The following TLE6 variants were observed in gnomAD, a reference collection of about 807,000 sequenced individuals.
The protein encoded by TLE6 is TLE family member 6, subcortical maternal complex member.
In TLE6, 72 loss-of-function variants were observed where a neutral mutation model predicts 77.1. That is an observed-to-expected ratio of 0.93 (90% CI 0.77 to 1.14). The LOEUF (loss-of-function observed/expected upper bound fraction) is 1.14, where lower values mean the gene tolerates loss of function less well. TLE6 is among the 50% of genes most tolerant of loss of function. The probability of loss-of-function intolerance (pLI) is 0.00; values close to 1 mark genes in which losing one functional copy is unlikely to be tolerated. For synonymous variants in TLE6, 366 were observed against 287.3 expected, an observed-to-expected ratio of 1.27 and a Z score of -2.77; for missense variants, 843 against 747.6, an observed-to-expected ratio of 1.13 and a Z score of -1.49.
At chr19:2,988,764 G>T (rs902917041) in intron 11 of TLE6, among the ~76,000 whole-genome samples, 2 of 152,176 alleles carry the variant, frequency 1.3e-5, no homozygotes, top group African/African-American at 4.8e-5. Flanking sequence ...GTGGGGCAAA[G>T]AAGGCTTTTC....
chr19:2,993,697 A>T (rs958734985), intron 15 of TLE6, 115 bp downstream of exon 15: 6 of 1,326,040 alleles, frequency 4.5e-6, no homozygotes, highest in African/African-American at 1.5e-5. Flanking sequence ...ACCCTTCTGT[A>T]GCAGAAACCA....
At chr19:2,986,442 G>A (rs774426424) in intron 5 of TLE6, among the ~76,000 whole-genome samples, 1 of 151,358 alleles carries the variant, frequency 6.6e-6, no homozygotes, top group Non-Finnish European at 1.5e-5. Context: ...GGCTGGGGGT[G>A]GTGGCTTATG....
At chr19:2,986,037 G>GCA (rs2088901460) in intron 5 of TLE6, among the ~76,000 whole-genome samples, 1 of 114,982 alleles carries the variant, frequency 8.7e-6, no homozygotes, top group Non-Finnish European at 1.6e-5. Flanking sequence ...TCACATCACT[G>GCA]CACTCCTGCC....
In TLE6 at chr19:2,987,919, C is replaced by T. The variant is rs563813436; in HGVS notation, c.647C>T (p.Ser216Phe). Residue 216 changes from serine (S) to phenylalanine (F), a missense_variant, in exon 10 of 17, where the codon TCC (serine) becomes TTC (phenylalanine). Physicochemically the swap from Ser to Phe is radical, Grantham distance 155. Coordinates refer to ENST00000246112, the MANE Select transcript of TLE6 (RefSeq NM_001143986.2). ...CTAGCCCCCAGGCCACCTGAGGCCT[C>T]CTCCAGTCCCCCTGAGGGTTCCCAA... is the stretch of plus-strand genomic sequence containing the variant. Reference protein sequence around the residue: ...DASTPRPPEASSSPPEGSQDR... With the variant: ...DASTPRPPEAFSSPPEGSQDR... The T allele has an allele frequency of 3.1e-6, 5 of 1,610,194 alleles. No individual in the cohort carries two copies. Among genetic ancestry groups the T allele is most frequent in the East Asian group, 4.5e-5 (2 of 44,804 alleles).
At chr19:2,989,861 C>A in intron 13 of TLE6, 76 bp downstream of exon 13, 1 of 1,565,216 alleles carries the variant, frequency 6.4e-7, no homozygotes, top group Non-Finnish European at 8.7e-7. Flanking sequence ...TTACTGCTAC[C>A]ACCTCTGCCC....
At chr19:2,981,903 C>A (rs765420019) in intron 4 of TLE6, among the ~76,000 whole-genome samples, 1 of 151,606 alleles carries the variant, frequency 6.6e-6, no homozygotes, top group African/African-American at 2.4e-5. Context: ...GCCCAGGAGG[C>A]AGAGGTTGCG....
At chr19:2,983,420 T>G (rs2088839752) in intron 5 of TLE6, among the ~76,000 whole-genome samples, 1 of 151,438 alleles carries the variant, frequency 6.6e-6, no homozygotes. Context: ...CAATTCAGGG[T>G]GGTCAGGGAA....
Position 2,992,040 on chromosome 19 carries a change from A to T in TLE6, c.1386+56A>T. 4 of 1,596,320 alleles carry T rather than the reference A, an allele frequency of 2.5e-6. No individual in the cohort carries two copies. In the Admixed American group the frequency reaches 5.1e-5, roughly 20 times the overall value. ...CAGGCATCCTCTGGTCCTCAGATTA[A>T]AAAATGAGGTTGAGGCCGGGCTCCG... On this transcript the variant is annotated intron_variant, in intron 14 of 16. Transcript: ENST00000246112.
Position 2,995,052 on chromosome 19 carries a change from C to T in TLE6, c.*48C>T, listed in dbSNP as rs532579208. 3 of 1,113,570 alleles carry T rather than the reference C, an allele frequency of 2.7e-6. No homozygotes were observed. Among genetic ancestry groups the T allele is most frequent in the South Asian group, 1.4e-5 (1 of 73,332 alleles). 69.0% of individuals were successfully genotyped at this position (1,113,570 alleles called of 1,614,324 possible). On this transcript the variant is annotated 3_prime_UTR_variant, in exon 17 of 17. Transcript: ENST00000246112. Reference sequence around the variant, plus strand: ...ACTCCGGCTCCTCTTTTCATCCCCCCCCTTCCCCCCCCCCAACAAGGGGGA... The same window carrying T: ...ACTCCGGCTCCTCTTTTCATCCCCCTCCTTCCCCCCCCCCAACAAGGGGGA...
chr19:2,990,683 A>C (rs996751840), intron 13 of TLE6, among the ~76,000 whole-genome samples: 4 of 135,994 alleles, frequency 2.9e-5, no homozygotes, highest in Non-Finnish European at 4.8e-5. Flanking sequence ...ATATATACAT[A>C]AATATATACA....
chr19:2,987,587 C>G (rs1368299984), intron 8 of TLE6, 137 bp from the exon 9 acceptor site: 3 of 1,145,204 alleles, frequency 2.6e-6, no homozygotes, highest in Non-Finnish European at 3.9e-6. Flanking sequence ...CCCTGACTCT[C>G]TCTCTGCAAC....
chr19:2,989,828 T>C (rs1352931325), intron 13 of TLE6, 43 bp downstream of exon 13: 27 of 1,603,452 alleles, frequency 1.7e-5, no homozygotes, highest in Non-Finnish European at 2.3e-5. Context: ...TGTGCCAGCC[T>C]CCTGTGGCCA....
At chr19:2,984,803 T>G (rs2088874110) in intron 5 of TLE6, among the ~76,000 whole-genome samples, 1 of 152,038 alleles carries the variant, frequency 6.6e-6, no homozygotes, top group African/African-American at 2.4e-5. Context: ...TACTAGACAT[T>G]CCATATGCAT....
rs375278479 is a variant in TLE6 at position 2,987,922 on chromosome 19, C to T, written c.650C>T (p.Ser217Phe). The T allele has an allele frequency of 2.7e-5, 44 of 1,610,016 alleles. No homozygotes were observed. The highest frequency in any genetic ancestry group is 3.1e-5 in the Non-Finnish European group (37 of 1,177,440). ...GCCCCCAGGCCACCTGAGGCCTCCT[C>T]CAGTCCCCCTGAGGGTTCCCAAGAC... ...ASTPRPPEAS[S>F]SPPEGSQDRN... The change falls in exon 10 of 17, where the codon TCC becomes TTC. Residue 217 changes from serine to phenylalanine, a missense_variant. Ser to Phe is a radical substitution (Grantham distance 155). Transcript: ENST00000246112.
rs1202011955 is a variant in TLE6 at position 2,991,381 on chromosome 19, T to TAC, written c.1245-461_1245-460insCA. ...TTCAAAAAAAAAAAAAATACGTATA[T>TAC]ATATATATATATATACACACACACA... is the stretch of plus-strand genomic sequence containing the variant. On this transcript the variant is annotated intron_variant, in intron 13 of 16. Transcript: ENST00000246112. Among the ~76,000 whole-genome samples, 136 of 98,026 alleles carry TAC rather than the reference T, an allele frequency of 1.4e-3. 2 individuals carry two copies. The highest frequency in any genetic ancestry group is 7.0e-3 in the African/African-American group (121 of 17,400). 64.3% of individuals were successfully genotyped at this position (98,026 alleles called of 152,430 possible).
chr19:2,981,433 CTT>C, intron 3 of TLE6, 103 bp from the exon 4 acceptor site: 1 of 1,302,640 alleles, frequency 7.7e-7, no homozygotes, highest in South Asian at 1.3e-5. Flanking sequence ...GAGCCAGTGC[CTT>C]CCAGCTTCAT....
At chr19:2,989,406 G>C in intron 12 of TLE6, 93 bp downstream of exon 12, 1 of 1,581,874 alleles carries the variant, frequency 6.3e-7, no homozygotes, top group Non-Finnish European at 8.6e-7. Context: ...TGGAGAGAGG[G>C]CTTCCAGGGA....
At chr19:2,981,846 C>G (rs943931675) in intron 4 of TLE6, among the ~76,000 whole-genome samples, 13 of 151,530 alleles carry the variant, frequency 8.6e-5, no homozygotes, top group African/African-American at 3.2e-4. Context: ...GTGGCAGGTG[C>G]CTGTACTCCC....
chr19:2,979,725 G>A (rs1010824768), intron 2 of TLE6, among the ~76,000 whole-genome samples: 3 of 150,838 alleles, frequency 2.0e-5, no homozygotes, highest in African/African-American at 7.3e-5. Flanking sequence ...TAGATCATGA[G>A]GTCAGGAGGT....
Sources: allele counts gnomAD v4.1 joint callset (sites outside exome capture counted in the v4.1 genomes callset), GRCh38; gene constraint gnomAD v4.1.1; transcripts MANE v1.5; gene names NCBI Gene and HGNC (gene_info 2026-07-23, HGNC 2026-07-21).